ADCY10: variants seen among roughly 807,000 people sequenced by gnomAD.
The protein encoded by ADCY10 is adenylate cyclase 10, also known as adenylate cyclase type 10.
Under a neutral mutation model 183.3 loss-of-function variants are expected in ADCY10, and 156 were observed. The observed-to-expected ratio is 0.85, with a 90% CI of 0.75 to 0.97. The LOEUF (loss-of-function observed/expected upper bound fraction) is 0.97. Among genes scored for constraint, ADCY10 ranks in the 50% least tolerant of loss-of-function variants. The pLI is 0.00. For missense variants in ADCY10, 1,745 were observed against 1,934.3 expected (o/e 0.90, Z 1.84); for synonymous variants, 645 against 670.0 (o/e 0.96, Z 0.58).
rs568322092 is a variant in ADCY10, at chr1:167,895,772, T to A, written c.739+823A>T. On this transcript the variant is annotated intron_variant, in intron 7 of 32. Coordinates refer to ENST00000367851, the MANE Select transcript of ADCY10 (RefSeq NM_018417.6). Reference sequence around the variant, plus strand: ...TGTCTGCTTAAGTTTTGTGATACAGTCTTCTCACTTGCCTCATCTTACTCA... The same window carrying A: ...TGTCTGCTTAAGTTTTGTGATACAGACTTCTCACTTGCCTCATCTTACTCA... Among the ~76,000 whole-genome samples, 15 of 152,296 alleles carry A rather than the reference T, an allele frequency of 9.8e-5. No homozygotes were observed. In the South Asian group the frequency reaches 3.1e-3, roughly 32 times the overall value.
intron 8 of ADCY10, among the ~76,000 whole-genome samples, chr1:167,893,617 A>G (rs972570083): frequency 1.4e-5 from 2 of 142,126 alleles, no homozygotes; most frequent in African/African-American, 5.3e-5. Flanking sequence ...AATTGCTTGA[A>G]CCCGGGAGGC....
At chr1:167,912,986 G>A (rs749268421) in intron 1 of ADCY10, among the ~76,000 whole-genome samples, 1 of 152,162 alleles carries the variant, frequency 6.6e-6, no homozygotes, top group Non-Finnish European at 1.5e-5. Flanking sequence ...TATCCCATTT[G>A]TATACGCTTT....
intron 26 of ADCY10, among the ~76,000 whole-genome samples, chr1:167,825,730 A>G (rs976639908): frequency 6.6e-6 from 1 of 152,182 alleles, no homozygotes; most frequent in African/African-American, 2.4e-5. Context: ...TTGAGGCTGC[A>G]GTGAGCCATG....
chr1:167,827,982 G>A (rs1476243784), intron 26 of ADCY10, among the ~76,000 whole-genome samples: 2 of 152,100 alleles, frequency 1.3e-5, no homozygotes, highest in African/African-American at 4.8e-5. Context: ...CCAAAGTGCT[G>A]GGATTACAGG....
At chr1:167,886,862 A>C (rs1402399901) in intron 8 of ADCY10, among the ~76,000 whole-genome samples, 1 of 152,232 alleles carries the variant, frequency 6.6e-6, no homozygotes, top group African/African-American at 2.4e-5. Flanking sequence ...AAAATCAAAC[A>C]ACCCCATCAA....
chr1:167,856,527 G>A, intron 16 of ADCY10, 88 bp from the exon 17 acceptor site: 1 of 1,363,976 alleles, frequency 7.3e-7, no homozygotes, highest in South Asian at 1.2e-5. Flanking sequence ...TATCCATTGA[G>A]CTTCCTGGTT....
intron 13 of ADCY10, among the ~76,000 whole-genome samples, chr1:167,872,124 C>T (rs1667147965): frequency 1.3e-5 from 2 of 152,070 alleles, no homozygotes; most frequent in African/African-American, 2.4e-5. Context: ...GGTGGATCCC[C>T]TGAGGTCAGG....
intron 26 of ADCY10, among the ~76,000 whole-genome samples, chr1:167,827,380 G>A (rs191526463): frequency 2.6e-4 from 37 of 143,848 alleles, no homozygotes; most frequent in African/African-American, 8.6e-4. Context: ...GGGTTTCACC[G>A]TGGTCTTGAT....
chr1:167,816,488 G>C (rs1662536094), intron 31 of ADCY10, among the ~76,000 whole-genome samples: 11 of 152,140 alleles, frequency 7.2e-5, no homozygotes, highest in Admixed American at 7.2e-4. Context: ...GGAGGTTGCA[G>C]TGAGTCAAGA....
chr1:167,895,104 C>T (rs929495119), intron 7 of ADCY10, among the ~76,000 whole-genome samples: 6 of 150,922 alleles, frequency 4.0e-5, no homozygotes, highest in African/African-American at 1.5e-4. Context: ...ATCGCTTGAA[C>T]CCGGGAGGCA....
chr1:167,832,785 A>C (rs1571245651), intron 25 of ADCY10, among the ~76,000 whole-genome samples: 1 of 152,184 alleles, frequency 6.6e-6, no homozygotes, highest in Non-Finnish European at 1.5e-5. Flanking sequence ...TCCCTTTGGC[A>C]AAAACTGCCT....
chr1:167,855,716 C>T (rs1370867525), intron 17 of ADCY10, among the ~76,000 whole-genome samples: 2 of 152,164 alleles, frequency 1.3e-5, no homozygotes, highest in Non-Finnish European at 2.9e-5. Flanking sequence ...ATGGCTCCTT[C>T]AAAAGGTGGA....
At chr1:167,903,781 G>A in intron 3 of ADCY10, 106 bp downstream of exon 3, 1 of 793,618 alleles carries the variant, frequency 1.3e-6, no homozygotes, top group Non-Finnish European at 2.2e-6. Context: ...TCATGGGGAA[G>A]AGGAGGAGTG....
chr1:167,868,470 G>C (rs1666856201), intron 14 of ADCY10, among the ~76,000 whole-genome samples: 1 of 152,128 alleles, frequency 6.6e-6, no homozygotes, highest in East Asian at 1.9e-4. Flanking sequence ...CAGTTACATG[G>C]TGGAGTTCAA....
At position 167,821,966 on chromosome 1, in the gene ADCY10, T is replaced by C. The variant is rs1662936971; in HGVS notation, c.4286+58A>G. ...TTTCTAAAAGATTTTTCAAGAACTCTTCCTTGGGATTCAACATTTTCACTT... is the reference window on the plus strand; with the variant it reads ...TTTCTAAAAGATTTTTCAAGAACTCCTCCTTGGGATTCAACATTTTCACTT... On this transcript the variant is annotated intron_variant, in intron 30 of 32. Coordinates refer to ENST00000367851, the MANE Select transcript of ADCY10 (RefSeq NM_018417.6). 24 of 1,192,740 alleles carry C rather than the reference T, an allele frequency of 2.0e-5. No homozygotes were observed. The South Asian group carries it at 2.9e-4, about 14-fold the overall frequency. 73.9% of individuals were successfully genotyped at this position (1,192,740 alleles called of 1,614,324 possible).
chr1:167,907,964 G>T (rs1338877670), intron 1 of ADCY10, among the ~76,000 whole-genome samples: 1 of 152,186 alleles, frequency 6.6e-6, no homozygotes, highest in African/African-American at 2.4e-5. Flanking sequence ...CTTTGATAAA[G>T]ATATAATTGA....
intron 28 of ADCY10, 66 bp downstream of exon 28, chr1:167,824,410 G>T: frequency 2.2e-6 from 3 of 1,380,740 alleles, no homozygotes; most frequent in African/African-American, 1.4e-5. Flanking sequence ...GGCTAAAGTT[G>T]AACCCAGAAT....
intron 31 of ADCY10, 132 bp downstream of exon 31, chr1:167,817,940 T>A: frequency 1.1e-6 from 1 of 889,704 alleles, no homozygotes; most frequent in Non-Finnish European, 1.7e-6. Flanking sequence ...TTTCTTACTT[T>A]GGGGAAGTGC....
chr1:167,848,131 A>G (rs1665181804), intron 19 of ADCY10, among the ~76,000 whole-genome samples: 1 of 151,440 alleles, frequency 6.6e-6, no homozygotes, highest in African/African-American at 2.4e-5. Flanking sequence ...GCAGTGGCTC[A>G]CTGCAACCTC....
Sources: allele counts gnomAD v4.1 joint callset (sites outside exome capture counted in the v4.1 genomes callset), GRCh38; gene constraint gnomAD v4.1.1; transcripts MANE v1.5; gene names NCBI Gene and HGNC (gene_info 2026-07-23, HGNC 2026-07-21).